Variants in RBFOX1 observed in about 807,000 individuals in gnomAD.
RBFOX1 encodes the protein RNA binding fox-1 homolog 1, also known as RNA binding protein fox-1 homolog 1.
RBFOX1 carries 8 observed loss-of-function variants against 57.7 expected under a neutral mutation model. The observed-to-expected ratio is 0.14, with a 90% confidence interval of 0.08 to 0.25. The LOEUF is 0.25. Ranked by LOEUF, RBFOX1 falls within the 10% of genes least tolerant of loss-of-function variation. RBFOX1 has a pLI of 1.00. For synonymous variants in RBFOX1, 326 were observed against 222.4 expected (o/e 1.47, Z -4.15); for missense variants, 611 against 548.5 (o/e 1.11, Z -1.14).
At chr16:5,782,110 C>G (rs550352304) in intron 3 of RBFOX1, among the ~76,000 whole-genome samples, 3 of 152,334 alleles carry the variant, frequency 2.0e-5, no homozygotes, top group African/African-American at 7.2e-5. Context: ...ACTTGGGAGG[C>G]TGAGGCAGGA....
chr16:6,325,584 C>T (rs2082280966), intron 2 of RBFOX1, among the ~76,000 whole-genome samples: 1 of 152,162 alleles, frequency 6.6e-6, no homozygotes, highest in Admixed American at 6.5e-5. Flanking sequence ...GTGTTGTTTT[C>T]TGAAGACATT....
intron 2 of RBFOX1, among the ~76,000 whole-genome samples, chr16:5,504,480 G>T (rs193246034): frequency 8.7e-4 from 132 of 152,372 alleles, no homozygotes; most frequent in Non-Finnish European, 1.5e-3. Flanking sequence ...AGCTGAGGCA[G>T]TCACTGTCCA....
chr16:7,193,150 C>G (rs1409605584), intron 4 of RBFOX1, among the ~76,000 whole-genome samples: 3 of 152,188 alleles, frequency 2.0e-5, no homozygotes, highest in Admixed American at 1.3e-4. Context: ...CCTGGATTAT[C>G]TGGATGGATC....
chr16:5,993,053 A>G (rs1365350382), intron 4 of RBFOX1, among the ~76,000 whole-genome samples: 1 of 152,158 alleles, frequency 6.6e-6, no homozygotes, highest in Non-Finnish European at 1.5e-5. Context: ...ATCTTTCTCT[A>G]TGCTTACCCA....
chr16:5,581,911 C>T (rs949601605), intron 2 of RBFOX1, among the ~76,000 whole-genome samples: 6 of 152,108 alleles, frequency 3.9e-5, no homozygotes, highest in East Asian at 1.9e-4. Context: ...GAAGCAAGGA[C>T]GCTGTAATGT....
At chr16:7,443,142 T>C (rs2098782248) in intron 4 of RBFOX1, among the ~76,000 whole-genome samples, 1 of 152,368 alleles carries the variant, frequency 6.6e-6, no homozygotes, top group East Asian at 1.9e-4. Context: ...GAGATGTTTC[T>C]AATGTTTCTA....
At chr16:7,460,233 C>T (rs1349763426) in intron 4 of RBFOX1, among the ~76,000 whole-genome samples, 1 of 151,492 alleles carries the variant, frequency 6.6e-6, no homozygotes, top group African/African-American at 2.4e-5. Flanking sequence ...AACTGCAACA[C>T]CCAGAAGAAG....
chr16:6,554,356 G>A (rs1004842853), intron 2 of RBFOX1, among the ~76,000 whole-genome samples: 1 of 152,170 alleles, frequency 6.6e-6, no homozygotes, highest in Admixed American at 6.5e-5. Flanking sequence ...CTATAGAGAT[G>A]CGAAGTAGAT....
rs980451383 is a variant in RBFOX1 at position 7,711,491 on chromosome 16, T to G, written c.*746T>G. The G allele has an allele frequency of 6.6e-6, 1 of 152,630 alleles. No homozygotes were observed. The highest frequency in any genetic ancestry group is 1.5e-5 in the Non-Finnish European group (1 of 68,046). The allele number at this position is 152,630 out of a possible 1,614,324, so 9.5% of individuals were successfully genotyped here. On this transcript the variant is annotated 3_prime_UTR_variant, in exon 16 of 16. Coordinates refer to ENST00000550418, the MANE Select transcript of RBFOX1 (RefSeq NM_018723.4). Reference sequence around the variant, plus strand: ...GTTAGGCCATCAACAAGCATTCTTTTTATATTTCTTCCAGTATAATAAATT... The same window carrying G: ...GTTAGGCCATCAACAAGCATTCTTTGTATATTTCTTCCAGTATAATAAATT...
At chr16:6,441,857 C>T (rs1203263977) in intron 2 of RBFOX1, among the ~76,000 whole-genome samples, 3 of 152,138 alleles carry the variant, frequency 2.0e-5, no homozygotes, top group Non-Finnish European at 4.4e-5. Flanking sequence ...GGAAGACAGT[C>T]CTTCTCTATT....
intron 3 of RBFOX1, among the ~76,000 whole-genome samples, chr16:6,961,817 A>G (rs545690544): frequency 3.3e-4 from 50 of 152,288 alleles, no homozygotes; most frequent in Middle Eastern, 3.4e-3. Context: ...TAATTAATGT[A>G]TAATGAGCAG....
chr16:7,365,998 C>G (rs894409804), intron 4 of RBFOX1, among the ~76,000 whole-genome samples: 1 of 152,166 alleles, frequency 6.6e-6, no homozygotes, highest in African/African-American at 2.4e-5. Flanking sequence ...CCTGTGATAT[C>G]AGAACAGAAA....
chr16:7,316,861 A>G (rs1002532842), intron 4 of RBFOX1, among the ~76,000 whole-genome samples: 1 of 151,928 alleles, frequency 6.6e-6, no homozygotes, highest in African/African-American at 2.4e-5. Flanking sequence ...CCAGGGAGCC[A>G]GTGAGAGAGG....
chr16:7,100,318 CAT>C (rs2062458280), intron 4 of RBFOX1, among the ~76,000 whole-genome samples: 1 of 152,178 alleles, frequency 6.6e-6, no homozygotes, highest in African/African-American at 2.4e-5. Context: ...AAATAAAAGT[CAT>C]ATTTGGACAT....
chr16:6,702,431 G>A (rs1483567312), intron 3 of RBFOX1, among the ~76,000 whole-genome samples: 1 of 152,138 alleles, frequency 6.6e-6, no homozygotes, highest in Admixed American at 6.5e-5. Flanking sequence ...GCATATGCCT[G>A]TAATCCCAGC....
chr16:6,240,881 A>G (rs371640167), intron 1 of RBFOX1, among the ~76,000 whole-genome samples: 1 of 152,002 alleles, frequency 6.6e-6, no homozygotes, highest in East Asian at 1.9e-4. Context: ...TTACTTTCTC[A>G]CCATGAAGTT....
At chr16:5,455,793 G>A (rs914902081) in intron 1 of RBFOX1, among the ~76,000 whole-genome samples, 1 of 152,140 alleles carries the variant, frequency 6.6e-6, no homozygotes, top group African/African-American at 2.4e-5. Flanking sequence ...AATGCAGGGT[G>A]AAGGGTGCTT....
chr16:6,069,151 C>T (rs1051421285), intron 1 of RBFOX1, among the ~76,000 whole-genome samples: 7 of 152,104 alleles, frequency 4.6e-5, no homozygotes, highest in East Asian at 1.9e-4. Flanking sequence ...GTAATCCCAG[C>T]ACTTTGGGAG....
intron 1 of RBFOX1, among the ~76,000 whole-genome samples, chr16:6,198,693 G>A (rs930830445): frequency 2.0e-5 from 3 of 152,134 alleles, no homozygotes; most frequent in African/African-American, 7.2e-5. Flanking sequence ...TGATTGAGTC[G>A]AGTTAGAAGT....
Sources: gnomAD v4.1 joint callset for allele counts (sites outside exome capture counted in the v4.1 genomes callset) on GRCh38, gnomAD v4.1.1 for gene constraint, MANE v1.5 for transcripts, NCBI Gene and HGNC (gene_info 2026-07-23, HGNC 2026-07-21) for gene names.